Variants in MSRB3 observed in about 807,000 individuals in gnomAD.
The protein encoded by MSRB3 is methionine sulfoxide reductase B3.
A neutral mutation model predicts 21.0 loss-of-function variants in MSRB3; 13 were observed. The ratio of observed to expected loss-of-function variants is 0.62; its 90% CI spans 0.40 to 0.98. The LOEUF is 0.98. MSRB3 is among the 50% of genes least tolerant of loss of function. The probability of loss-of-function intolerance (pLI) is 0.00; values close to 1 mark genes in which losing one functional copy is unlikely to be tolerated. For missense variants in MSRB3, 199 were observed against 230.3 expected (o/e 0.86, Z 0.88); for synonymous variants, 87 against 88.6 (o/e 0.98, Z 0.10).
chr12:65,331,992 C>A (rs984180161), intron 4 of MSRB3, among the ~76,000 whole-genome samples: 4 of 152,202 alleles, frequency 2.6e-5, no homozygotes, highest in Admixed American at 2.6e-4. Context: ...GCTTTTGCTC[C>A]TGGAGTCTGT....
At chr12:65,326,742 A>G in intron 2 of MSRB3, 84 bp from the exon 3 acceptor site, 3 of 985,510 alleles carry the variant, frequency 3.0e-6, no homozygotes, top group South Asian at 2.7e-5. Context: ...TGACTGCAGA[A>G]GCTGTGCTGT....
intron 4 of MSRB3, among the ~76,000 whole-genome samples, chr12:65,349,104 T>G (rs1012436654): frequency 6.6e-5 from 10 of 151,794 alleles, no homozygotes; most frequent in Non-Finnish European, 1.5e-4. Flanking sequence ...TTCCCCTTCC[T>G]GTGTCCATGT....
chr12:65,310,994 CT>C (rs1452838159), intron 2 of MSRB3, among the ~76,000 whole-genome samples: 2 of 152,134 alleles, frequency 1.3e-5, no homozygotes, highest in East Asian at 3.9e-4. Flanking sequence ...TATGTCTTCA[CT>C]ATGTTCAATA....
At chr12:65,430,469 A>T (rs754833837) in intron 5 of MSRB3, among the ~76,000 whole-genome samples, 16 of 152,198 alleles carry the variant, frequency 1.1e-4, no homozygotes, top group Non-Finnish European at 1.6e-4. Context: ...CTGTTACTAG[A>T]AAAGAATTTC....
chr12:65,407,962 T>C (rs1880508819), intron 5 of MSRB3, among the ~76,000 whole-genome samples: 1 of 152,158 alleles, frequency 6.6e-6, no homozygotes, highest in Non-Finnish European at 1.5e-5. Flanking sequence ...ACGTTGCTTT[T>C]TTTTTTTCCA....
chr12:65,378,884 C>T (rs1878786992), intron 5 of MSRB3, among the ~76,000 whole-genome samples: 1 of 152,122 alleles, frequency 6.6e-6, no homozygotes, highest in Non-Finnish European at 1.5e-5. Context: ...ATATGAGACA[C>T]AAAATCGCAA....
intron 5 of MSRB3, among the ~76,000 whole-genome samples, chr12:65,405,951 T>G (rs1880391995): frequency 6.6e-6 from 1 of 152,174 alleles, no homozygotes; most frequent in Non-Finnish European, 1.5e-5. Flanking sequence ...TATTTGAGTT[T>G]TTTATATATT....
intron 5 of MSRB3, among the ~76,000 whole-genome samples, chr12:65,420,435 A>T: frequency 1.3e-5 from 2 of 150,424 alleles, no homozygotes; most frequent in East Asian, 2.0e-4. Flanking sequence ...TTAATATGTC[A>T]CTGGAATTGT....
chr12:65,451,136 C>T lies in MSRB3; in HGVS notation c.293-2592C>T, dbSNP rs539433468. Among the ~76,000 whole-genome samples the T allele has an allele frequency of 5.9e-5, 9 of 152,286 alleles. No homozygotes were observed. In the East Asian group the frequency reaches 7.7e-4, roughly 13 times the overall value. ...AGTTACAGTCTCCAGCGTGGTTTTT[C>T]GTGTCCATCTCCACTAATCAGGATT... is the stretch of plus-strand genomic sequence containing the variant. On this transcript the variant is annotated intron_variant, in intron 5 of 6. Transcript: ENST00000308259.
At chr12:65,358,482 G>A (rs190498431) in intron 4 of MSRB3, among the ~76,000 whole-genome samples, 2 of 151,776 alleles carry the variant, frequency 1.3e-5, no homozygotes, top group Non-Finnish European at 2.9e-5. Flanking sequence ...TCCAGGTTTG[G>A]CCATTGAGAG....
intron 5 of MSRB3, among the ~76,000 whole-genome samples, chr12:65,443,316 A>G (rs974213846): frequency 2.0e-5 from 3 of 152,124 alleles, no homozygotes; most frequent in Non-Finnish European, 4.4e-5. Context: ...AATGCCTGAA[A>G]TGATTATGGG....
chr12:65,350,155 A>G lies in MSRB3; in HGVS notation c.264-18843A>G, dbSNP rs1035050662. Among the ~76,000 whole-genome samples, 7 of 151,784 alleles carry G rather than the reference A, an allele frequency of 4.6e-5. 1 individual carries two copies. Among genetic ancestry groups the G allele is most frequent in the Non-Finnish European group, 1.0e-4 (7 of 67,918 alleles). Reference sequence around the variant, plus strand: ...CTAGCCAGTTTTCCCAGCACCATTTATTAAATAGGGAATCCTTTCCCCATT... The same window carrying G: ...CTAGCCAGTTTTCCCAGCACCATTTGTTAAATAGGGAATCCTTTCCCCATT... On this transcript the variant is annotated intron_variant, in intron 4 of 6. Transcript: ENST00000308259.
chr12:65,314,305 T>A (rs1874162085), intron 2 of MSRB3, among the ~76,000 whole-genome samples: 1 of 152,164 alleles, frequency 6.6e-6, no homozygotes, highest in Non-Finnish European at 1.5e-5. Flanking sequence ...TTGCTGTGTT[T>A]TGAATTTTTA....
intron 6 of MSRB3, among the ~76,000 whole-genome samples, chr12:65,456,828 G>A (rs1467278659): frequency 6.6e-6 from 1 of 152,208 alleles, no homozygotes; most frequent in Non-Finnish European, 1.5e-5. Flanking sequence ...AATGGTATGT[G>A]TGCCACACCC....
rs1883572885 is a variant in MSRB3, at chr12:65,466,359, A to G, written c.*3037A>G. 6.6e-6 allele frequency: 1 copy of G among 152,234 alleles called. No individual in the cohort carries two copies. Among genetic ancestry groups the G allele is most frequent in the African/African-American group, 2.4e-5 (1 of 41,462 alleles). The allele number at this position is 152,234 out of a possible 1,614,324, so 9.4% of individuals were successfully genotyped here. A position where few individuals can be genotyped will look rare whatever the true frequency, so the allele number is the denominator to read the frequency against. On this transcript the variant is annotated 3_prime_UTR_variant, in exon 7 of 7. Transcript: ENST00000308259. ...CAGTGAGCAATAATGTCAGCTGTCAAGCACTAGATTTATTTTTGCAGGATA... is the reference window on the plus strand; with the variant it reads ...CAGTGAGCAATAATGTCAGCTGTCAGGCACTAGATTTATTTTTGCAGGATA...
At chr12:65,308,133 G>A (rs1385441818) in intron 1 of MSRB3, among the ~76,000 whole-genome samples, 3 of 152,114 alleles carry the variant, frequency 2.0e-5, no homozygotes, top group Admixed American at 6.5e-5. Context: ...CTTCACATAC[G>A]TATTGGGGCA....
chr12:65,354,131 C>T lies in MSRB3; in HGVS notation c.264-14867C>T, dbSNP rs577175416. Among the ~76,000 whole-genome samples, 21 of 152,006 alleles carry T rather than the reference C, an allele frequency of 1.4e-4. 1 individual carries two copies. In the South Asian group the frequency reaches 4.1e-3, roughly 30 times the overall value. ...GATGGGCTTCCCTTTGTGGGTAACC[C>T]GACCTTTCTCTCTGGCTGCCCTTGA... On this transcript the variant is annotated intron_variant, in intron 4 of 6. Coordinates refer to ENST00000308259, the MANE Select transcript of MSRB3 (RefSeq NM_001031679.3).
intron 3 of MSRB3, 56 bp downstream of exon 3, chr12:65,326,990 C>T: frequency 1.6e-6 from 2 of 1,253,550 alleles, no homozygotes; most frequent in South Asian, 2.5e-5. Context: ...TCCCCCTGCC[C>T]TCTGCAGTGC....
Position 65,338,131 on chromosome 12 carries a change from A to C in MSRB3, c.263+9528A>C, listed in dbSNP as rs189667780. Among the ~76,000 whole-genome samples, 475 of 152,356 alleles carry C rather than the reference A, an allele frequency of 3.1e-3. 4 individuals are homozygous for C. The highest frequency in any genetic ancestry group is 0.011 in the African/African-American group (443 of 41,582). ...TTGACACTAAGATGGCGGAAATGTA[A>C]ATAGATACTTGGTACTGGATTCCCA... On this transcript the variant is annotated intron_variant, in intron 4 of 6. Transcript: ENST00000308259.
Sources: gnomAD v4.1 joint callset for allele counts (sites outside exome capture counted in the v4.1 genomes callset) on GRCh38, gnomAD v4.1.1 for gene constraint, MANE v1.5 for transcripts, NCBI Gene and HGNC (gene_info 2026-07-23, HGNC 2026-07-21) for gene names.